AATF: variants seen among roughly 807,000 people sequenced by gnomAD.
The protein encoded by AATF is apoptosis antagonizing transcription factor.
A neutral mutation model predicts 63.7 loss-of-function variants in AATF; 48 were observed. The ratio of observed to expected loss-of-function variants is 0.75; its 90% CI spans 0.60 to 0.96. The LOEUF is 0.96. Among genes scored for constraint, AATF ranks in the 40% least tolerant of loss-of-function variants. AATF has a pLI of 0.00. For synonymous variants in AATF, 258 were observed against 247.7 expected (o/e 1.04, Z -0.39); for missense variants, 639 against 685.7 (o/e 0.93, Z 0.76).
intron 4 of AATF, chr17:36,980,333 T>C (rs1183960980): frequency 6.6e-6 from 1 of 152,226 alleles, no homozygotes; most frequent in South Asian, 2.1e-4. Flanking sequence ...GGTAATATGA[T>C]GAGGCATATG....
At chr17:36,972,690 A>C (rs1457207240) in intron 4 of AATF, among the ~76,000 whole-genome samples, 6 of 149,278 alleles carry the variant, frequency 4.0e-5, no homozygotes, top group Admixed American at 2.7e-4. Flanking sequence ...TTTTTTTCCT[A>C]ATGCAAGATG....
intron 4 of AATF, among the ~76,000 whole-genome samples, chr17:36,956,975 C>A (rs540206308): frequency 3.3e-5 from 5 of 150,720 alleles, no homozygotes; most frequent in African/African-American, 1.2e-4. Flanking sequence ...AAACTGTCCC[C>A]CCCGAAAAAA....
At chr17:37,041,666 C>T (rs1028267306) in intron 11 of AATF, among the ~76,000 whole-genome samples, 2 of 152,050 alleles carry the variant, frequency 1.3e-5, no homozygotes, top group Admixed American at 6.6e-5. Context: ...CTATTACACC[C>T]GGCTAATTTT....
rs188028885 is a variant in AATF at position 36,968,941 on chromosome 17, A to G, written c.832+15034A>G. Among the ~76,000 whole-genome samples the G allele has an allele frequency of 2.6e-5, 4 of 151,984 alleles. No individual in the cohort carries two copies. The East Asian group carries it at 5.8e-4, about 22-fold the overall frequency. ...TAGCGCCTGGCCTATGTATTTTTGT[A>G]TGTGTTCTTCCTGCATAGTCTGTTT... On this transcript the variant is annotated intron_variant, in intron 4 of 11. Coordinates refer to ENST00000619387, the MANE Select transcript of AATF (RefSeq NM_012138.4).
intron 4 of AATF, among the ~76,000 whole-genome samples, chr17:36,983,410 C>T (rs1275104608): frequency 1.3e-5 from 2 of 151,898 alleles, no homozygotes; most frequent in Admixed American, 6.6e-5. Flanking sequence ...TGCAGTGGTG[C>T]AGTCTTGGCT....
chr17:37,028,273 C>T (rs2071525359), intron 10 of AATF, among the ~76,000 whole-genome samples: 1 of 151,846 alleles, frequency 6.6e-6, no homozygotes, highest in Admixed American at 6.6e-5. Flanking sequence ...TAAAAATTAG[C>T]CAGGCATGGT....
intron 8 of AATF, among the ~76,000 whole-genome samples, chr17:37,001,374 A>C (rs568279072): frequency 7.4e-6 from 1 of 135,990 alleles, no homozygotes. Context: ...GAGAGAGGGG[A>C]GAGAGAGAAA....
chr17:36,962,097 T>C (rs572821732), intron 4 of AATF, among the ~76,000 whole-genome samples: 33 of 152,178 alleles, frequency 2.2e-4, no homozygotes, highest in Non-Finnish European at 4.4e-4. Context: ...CTCCACTAGG[T>C]ATTATTGATC....
rs1391417714 is a variant in AATF, at chr17:37,019,054, A to G, written c.1448A>G (p.Asp483Gly). The G allele has an allele frequency of 1.3e-5, 21 of 1,614,016 alleles. No individual in the cohort carries two copies. Among genetic ancestry groups the G allele is most frequent in the Non-Finnish European group, 1.6e-5 (19 of 1,179,984 alleles). Residue 483 changes from aspartate to glycine, a missense_variant, in exon 9 of 12, where the codon GAT (aspartate) becomes GGT (glycine). Coordinates refer to ENST00000619387, the MANE Select transcript of AATF (RefSeq NM_012138.4). ...ERKTSSLDPN[D>G]QVAMGRQWLA... ...AAGACCAGCTCCTTGGATCCCAACGATCAGGTGGCCATGGGAAGGTAATTT... is the reference window on the plus strand; with the variant it reads ...AAGACCAGCTCCTTGGATCCCAACGGTCAGGTGGCCATGGGAAGGTAATTT...
At chr17:37,041,113 T>G (rs1329056121) in intron 11 of AATF, among the ~76,000 whole-genome samples, 1 of 152,238 alleles carries the variant, frequency 6.6e-6, no homozygotes, top group Non-Finnish European at 1.5e-5. Context: ...TTATTAATAC[T>G]TTTACATGTT....
chr17:36,996,829 T>C (rs1335262840), intron 8 of AATF, among the ~76,000 whole-genome samples: 1 of 152,316 alleles, frequency 6.6e-6, no homozygotes. Context: ...AAGGTGCACA[T>C]GACTGGCCCT....
At chr17:36,995,399 G>A (rs1302812888) in intron 8 of AATF, among the ~76,000 whole-genome samples, 1 of 152,136 alleles carries the variant, frequency 6.6e-6, no homozygotes, top group Non-Finnish European at 1.5e-5. Context: ...CAGGCTTTTT[G>A]ACATGACAGT....
chr17:36,996,192 G>GTGAGATT, intron 8 of AATF, among the ~76,000 whole-genome samples: 1 of 152,234 alleles, frequency 6.6e-6, no homozygotes, highest in African/African-American at 2.4e-5. Context: ...AGCACTTTGG[G>GTGAGATT]AGGCCAAAGT....
intron 4 of AATF, among the ~76,000 whole-genome samples, chr17:36,964,170 CT>C (rs36064518): frequency 0.17 from 16,841 of 101,336 alleles, 1,315 homozygotes; most frequent in Admixed American, 0.26. Flanking sequence ...GGGTGTTTTG[CT>C]TTTTTTTTTT....
chr17:37,020,657 T>A (rs753962509), intron 9 of AATF, among the ~76,000 whole-genome samples: 13 of 152,228 alleles, frequency 8.5e-5, no homozygotes, highest in Non-Finnish European at 1.6e-4. Context: ...TGGGTTTGCC[T>A]GCAGACTGGT....
rs372118678 is a variant in AATF, at chr17:36,958,195, C to T, written c.832+4288C>T. ...CTTTTTTTTTTGAGATGGAGTCTCT[C>T]TCTGTCACCCAGGCTGGAGTGCAGT... On this transcript the variant is annotated intron_variant, in intron 4 of 11. Transcript: ENST00000619387. 2.0e-5 allele frequency among the ~76,000 whole-genome samples: 3 copies of T among 151,556 alleles called. No individual in the cohort carries two copies. In the East Asian group the frequency reaches 5.8e-4, roughly 29 times the overall value.
intron 11 of AATF, among the ~76,000 whole-genome samples, chr17:37,038,682 A>G (rs2071612226): frequency 1.3e-5 from 2 of 152,292 alleles, no homozygotes; most frequent in South Asian, 2.1e-4. Flanking sequence ...TTCCTTTGCA[A>G]ATAACTTAAA....
At chr17:36,992,980 C>T (rs1420676112) in intron 8 of AATF, among the ~76,000 whole-genome samples, 1 of 152,148 alleles carries the variant, frequency 6.6e-6, no homozygotes, top group Non-Finnish European at 1.5e-5. Context: ...CGGAAGCATT[C>T]CAGATTGCTT....
rs138879159 is a variant in AATF at position 37,003,814 on chromosome 17, G to A, written c.1398+12957G>A. ...TGGTGGAGGGGGTTCAAGAGAGAAT[G>A]GGAGGAGGCCGGGCATGGTGGCTCA... is the stretch of plus-strand genomic sequence containing the variant. On this transcript the variant is annotated intron_variant, in intron 8 of 11. Coordinates refer to ENST00000619387, the MANE Select transcript of AATF (RefSeq NM_012138.4). Among the ~76,000 whole-genome samples, 257 of 151,876 alleles carry A rather than the reference G, an allele frequency of 1.7e-3. 1 individual carries two copies. Among genetic ancestry groups the A allele is most frequent in the South Asian group, 7.3e-3 (35 of 4,790 alleles).
Sources: allele counts gnomAD v4.1 joint callset (sites outside exome capture counted in the v4.1 genomes callset), GRCh38; gene constraint gnomAD v4.1.1; transcripts MANE v1.5; gene names NCBI Gene and HGNC (gene_info 2026-07-23, HGNC 2026-07-21).